Variants in CEP112 observed in about 807,000 individuals in gnomAD.
CEP112 encodes centrosomal protein of 112 kDa.
In CEP112, 127 loss-of-function variants were observed where a neutral mutation model predicts 153.0. The observed-to-expected ratio is 0.83, with a 90% CI of 0.72 to 0.96. The LOEUF is 0.96. Among genes scored for constraint, CEP112 ranks in the 40% least tolerant of loss-of-function variants. The probability of loss-of-function intolerance (pLI) is 0.00; values close to 1 mark genes in which losing one functional copy is unlikely to be tolerated. For synonymous variants in CEP112, 358 were observed against 374.4 expected, an observed-to-expected ratio of 0.96 and a Z score of 0.51; for missense variants, 1,089 against 1,101.2, an observed-to-expected ratio of 0.99 and a Z score of 0.16.
At chr17:66,033,221 A>G (rs1368743584) in intron 12 of CEP112, among the ~76,000 whole-genome samples, 1 of 152,210 alleles carries the variant, frequency 6.6e-6, no homozygotes, top group Non-Finnish European at 1.5e-5. Flanking sequence ...AAGAACAGAA[A>G]TGGTAGAACA....
chr17:66,185,223 A>T (rs1449378533), intron 1 of CEP112, among the ~76,000 whole-genome samples: 1 of 152,104 alleles, frequency 6.6e-6, no homozygotes, highest in Admixed American at 6.6e-5. Flanking sequence ...TATATAAGTT[A>T]AAAAAAATTT....
chr17:66,063,037 C>G lies in CEP112; in HGVS notation c.1000G>C (p.Glu334Gln). 6.3e-7 allele frequency: 1 copy of G among 1,596,548 alleles called. No individual in the cohort carries two copies. Among genetic ancestry groups the G allele is most frequent in the African/African-American group, 1.3e-5 (1 of 74,318 alleles). Residue 334 changes from glutamate (E) to glutamine (Q), a missense_variant, in exon 11 of 27, where the codon GAA (glutamate) becomes CAA (glutamine). Glu to Gln is a conservative substitution (Grantham distance 29, BLOSUM62 2). Transcript: ENST00000535342. ...TTTTTCAGCTCTGCAATCTGGTCTT[C>G]TTTAGTCTCTCTGATAACTTGACAG... ...RDCQVIRETKEDQIAELKKIC... is the reference protein window; with the variant it reads ...RDCQVIRETKQDQIAELKKIC...
chr17:66,016,210 C>A (rs1325271511), intron 16 of CEP112, among the ~76,000 whole-genome samples: 1 of 152,126 alleles, frequency 6.6e-6, no homozygotes, highest in Admixed American at 6.6e-5. Context: ...AGGAGAAACT[C>A]CTTCCTCTGA....
At chr17:65,782,983 AT>A (rs2054083266) in intron 21 of CEP112, among the ~76,000 whole-genome samples, 1 of 152,318 alleles carries the variant, frequency 6.6e-6, no homozygotes. Context: ...TGAAAAAAAA[AT>A]AAAAATAAAA....
intron 18 of CEP112, among the ~76,000 whole-genome samples, chr17:65,956,668 G>T (rs942693258): frequency 1.3e-5 from 2 of 151,834 alleles, no homozygotes; most frequent in African/African-American, 4.8e-5. Context: ...ACTATACATT[G>T]AATACAGTAT....
intron 8 of CEP112, among the ~76,000 whole-genome samples, chr17:66,078,316 T>C (rs1337679532): frequency 6.6e-6 from 1 of 150,632 alleles, no homozygotes; most frequent in African/African-American, 2.5e-5. Flanking sequence ...TGAAGTGCAG[T>C]GACACGATCT....
At chr17:65,727,146 T>C (rs527983082) in intron 23 of CEP112, among the ~76,000 whole-genome samples, 1 of 152,364 alleles carries the variant, frequency 6.6e-6, no homozygotes, top group Admixed American at 6.5e-5. Flanking sequence ...ATCTTCATCA[T>C]TGACCACGTT....
At chr17:65,774,927 G>C (rs2145561710) in intron 21 of CEP112, among the ~76,000 whole-genome samples, 2 of 152,240 alleles carry the variant, frequency 1.3e-5, no homozygotes, top group Middle Eastern at 6.8e-3. Context: ...ATCCTGGTTT[G>C]CTGCTCTGCT....
At chr17:66,053,648 T>C in intron 12 of CEP112, 88 bp downstream of exon 12, 1 of 1,329,838 alleles carries the variant, frequency 7.5e-7, no homozygotes, top group East Asian at 2.3e-5. Context: ...ACACACTTCT[T>C]TCTACACTGT....
intron 4 of CEP112, among the ~76,000 whole-genome samples, chr17:66,153,058 C>T (rs1518267): frequency 0.1 from 15,181 of 151,774 alleles, 1,105 homozygotes; most frequent in South Asian, 0.23. Flanking sequence ...CGTGAAGAGA[C>T]GAGAATACTC....
intron 21 of CEP112, among the ~76,000 whole-genome samples, chr17:65,801,590 C>T (rs868450111): frequency 2.6e-5 from 4 of 152,026 alleles, no homozygotes; most frequent in South Asian, 2.1e-4. Flanking sequence ...CAAATTATCT[C>T]GGTTTGTGTT....
At chr17:66,074,154 G>C (rs1226270332) in intron 8 of CEP112, among the ~76,000 whole-genome samples, 1 of 151,834 alleles carries the variant, frequency 6.6e-6, no homozygotes, top group Non-Finnish European at 1.5e-5. Flanking sequence ...ATTATAAAAA[G>C]GAAACAAATG....
At chr17:66,096,494 T>A in intron 7 of CEP112, 91 bp downstream of exon 7, 1 of 1,132,024 alleles carries the variant, frequency 8.8e-7, no homozygotes, top group Non-Finnish European at 1.3e-6. Flanking sequence ...TTTCCTAATG[T>A]AGATCCGCAT....
intron 4 of CEP112, among the ~76,000 whole-genome samples, chr17:66,157,137 C>T (rs780840470): frequency 6.6e-6 from 1 of 152,140 alleles, no homozygotes; most frequent in Non-Finnish European, 1.5e-5. Context: ...AGAAAGGTCA[C>T]GTTACCCACA....
intron 12 of CEP112, among the ~76,000 whole-genome samples, chr17:66,031,431 C>A (rs1264055545): frequency 6.6e-6 from 1 of 151,432 alleles, no homozygotes; most frequent in Admixed American, 6.6e-5. Context: ...TGCAGCAGAT[C>A]ACAATCCCAA....
intron 21 of CEP112, among the ~76,000 whole-genome samples, chr17:65,829,422 G>GCCA (rs1204419916): frequency 6.6e-6 from 1 of 152,040 alleles, no homozygotes; most frequent in African/African-American, 2.4e-5. Flanking sequence ...GACCCATAAT[G>GCCA]TATCTATGCA....
At chr17:65,671,305 G>A (rs1369592314) in intron 24 of CEP112, among the ~76,000 whole-genome samples, 1 of 152,174 alleles carries the variant, frequency 6.6e-6, no homozygotes, top group Non-Finnish European at 1.5e-5. Context: ...TCCATAAGGG[G>A]AGAAGTACCC....
rs140541463 is a variant in CEP112 at position 65,870,726 on chromosome 17, G to A, written c.2164-18692C>T. Among the ~76,000 whole-genome samples the A allele has an allele frequency of 3.2e-3, 486 of 152,312 alleles. 2 individuals are homozygous for A. The highest frequency in any genetic ancestry group is 0.011 in the African/African-American group (470 of 41,560). On this transcript the variant is annotated intron_variant, in intron 20 of 26. Coordinates refer to ENST00000535342, the MANE Select transcript of CEP112 (RefSeq NM_001199165.4). ...CAGGGCTCACAAACAGAAGGACTAC[G>A]TGTCAGGAAGATGTTATTTGCAGCA...
At chr17:65,746,121 C>T (rs986895377) in intron 22 of CEP112, among the ~76,000 whole-genome samples, 18 of 138,742 alleles carry the variant, frequency 1.3e-4, no homozygotes, top group Non-Finnish European at 1.7e-4. Flanking sequence ...GCCAAGATTG[C>T]GCCATTTCAC....
Sources: allele counts gnomAD v4.1 joint callset (sites outside exome capture counted in the v4.1 genomes callset), GRCh38; gene constraint gnomAD v4.1.1; transcripts MANE v1.5; gene names NCBI Gene and HGNC (gene_info 2026-07-23, HGNC 2026-07-21).